The following AMBRA1 variants were observed in gnomAD, a reference collection of about 807,000 sequenced individuals.
AMBRA1 encodes activating molecule in BECN1-regulated autophagy protein 1.
A neutral mutation model predicts 125.4 loss-of-function variants in AMBRA1; 47 were observed. The ratio of observed to expected loss-of-function variants is 0.37; its 90% CI spans 0.30 to 0.48. The LOEUF (loss-of-function observed/expected upper bound fraction) is 0.48. Ranked by LOEUF, AMBRA1 falls within the 20% of genes least tolerant of loss-of-function variation. The pLI is 0.99. For synonymous variants in AMBRA1, 626 were observed against 655.5 expected (o/e 0.95, Z 0.69); for missense variants, 1,331 against 1,693.4 (o/e 0.79, Z 3.76).
intron 14 of AMBRA1, among the ~76,000 whole-genome samples, chr11:46,424,612 C>A (rs1358282730): frequency 6.6e-6 from 1 of 152,070 alleles, no homozygotes; most frequent in Non-Finnish European, 1.5e-5. Context: ...TTTGGGTGGC[C>A]GAGATAGGAA....
chr11:46,485,784 T>C (rs535112621), intron 11 of AMBRA1, among the ~76,000 whole-genome samples: 1 of 152,308 alleles, frequency 6.6e-6, no homozygotes, highest in South Asian at 2.1e-4. Context: ...GAAAAGTTCA[T>C]TGACAAGGCC....
rs761596685 is a variant in AMBRA1, at chr11:46,443,606, GGAA to G, written c.2522-11_2522-9del. 1.2e-6 allele frequency: 2 copies of G among 1,609,414 alleles called. 1 individual carries two copies. The highest frequency in any genetic ancestry group is 2.2e-5 in the South Asian group (2 of 90,896). On this transcript the variant is annotated splice_polypyrimidine_tract_variant and intron_variant, in intron 11 of 17. Transcript: ENST00000683756. ...CATCACCGATCACTGCCCCTTATGA[GGAA>G]GAAGTCAAAGACAGCACATTATATT...
chr11:46,488,940 G>GCT (rs1950363602), intron 11 of AMBRA1, among the ~76,000 whole-genome samples: 2 of 152,276 alleles, frequency 1.3e-5, no homozygotes, highest in South Asian at 4.1e-4. Context: ...ACGGAGTCTT[G>GCT]CTCTGTCGCC....
chr11:46,479,540 T>C (rs1408747479), intron 11 of AMBRA1, among the ~76,000 whole-genome samples: 1 of 151,976 alleles, frequency 6.6e-6, no homozygotes, highest in Non-Finnish European at 1.5e-5. Context: ...CTACTAAAAA[T>C]ACAAAAATTA....
chr11:46,427,221 A>C (rs1016474312), intron 14 of AMBRA1, among the ~76,000 whole-genome samples: 1 of 152,190 alleles, frequency 6.6e-6, no homozygotes, highest in African/African-American at 2.4e-5. Context: ...CTGGGCACTC[A>C]TCCTGACCCA....
chr11:46,572,585 T>C (rs978297296), intron 1 of AMBRA1, among the ~76,000 whole-genome samples: 6 of 152,146 alleles, frequency 3.9e-5, no homozygotes, highest in African/African-American at 1.2e-4. Context: ...CTGCCTATCT[T>C]TGATATGGCA....
intron 12 of AMBRA1, among the ~76,000 whole-genome samples, chr11:46,442,288 A>G (rs1039212079): frequency 6.6e-6 from 1 of 152,000 alleles, no homozygotes; most frequent in Non-Finnish European, 1.5e-5. Flanking sequence ...GAAAACAGGC[A>G]TGCACCACCA....
intron 9 of AMBRA1, among the ~76,000 whole-genome samples, chr11:46,505,652 AG>A (rs535773142): frequency 8.7e-4 from 99 of 114,040 alleles, no homozygotes; most frequent in Non-Finnish European, 1.5e-3. Flanking sequence ...ATGTAAATTC[AG>A]GTCATGCTAA....
intron 1 of AMBRA1, among the ~76,000 whole-genome samples, chr11:46,585,652 C>G (rs1232240671): frequency 1.9e-5 from 1 of 52,208 alleles, no homozygotes; most frequent in African/African-American, 8.0e-5. Flanking sequence ...GGTGACAGAG[C>G]AAGACTCCAT....
rs961007169 is a variant in AMBRA1 at position 46,430,742 on chromosome 11, G to A, written c.2976+2732C>T. Reference sequence around the variant, plus strand: ...GTTGGCCCAACACATTTGCCTCTCTGAACATTACCACAGTGAATTCCAAGA... The same window carrying A: ...GTTGGCCCAACACATTTGCCTCTCTAAACATTACCACAGTGAATTCCAAGA... On this transcript the variant is annotated intron_variant, in intron 14 of 17. Transcript: ENST00000683756. Among the ~76,000 whole-genome samples the A allele has an allele frequency of 2.0e-5, 3 of 152,164 alleles. No individual in the cohort carries two copies. The South Asian group carries it at 6.2e-4, about 32-fold the overall frequency.
intron 14 of AMBRA1, among the ~76,000 whole-genome samples, chr11:46,420,929 C>T (rs1290287393): frequency 6.6e-6 from 1 of 152,106 alleles, no homozygotes; most frequent in Non-Finnish European, 1.5e-5. Context: ...TGCTGTGCTG[C>T]GTTTTTTAAA....
intron 11 of AMBRA1, among the ~76,000 whole-genome samples, chr11:46,465,484 T>C (rs73466088): frequency 0.013 from 1,922 of 152,290 alleles, 50 homozygotes; most frequent in African/African-American, 0.044. Context: ...TTTTACCATA[T>C]TTTCTCAGAG....
In AMBRA1 at chr11:46,428,008, CAAAAAAAA is replaced by C. The variant is rs57618324; in HGVS notation, c.2976+5458_2976+5465del. 1.5e-3 allele frequency among the ~76,000 whole-genome samples: 95 copies of C among 63,394 alleles called. 2 individuals carry two copies. In the South Asian group the frequency reaches 0.036, roughly 24 times the overall value. 41.6% of individuals were successfully genotyped at this position (63,394 alleles called of 152,430 possible). On this transcript the variant is annotated intron_variant, in intron 14 of 17. Transcript: ENST00000683756. ...TGGGCGACAGAGGGAGACTCCATGT[CAAAAAAAA>C]AAAAAAAAAAAAAAAGTAACAAATA...
chr11:46,440,136 G>C (rs1268948353), intron 12 of AMBRA1, among the ~76,000 whole-genome samples: 3 of 152,116 alleles, frequency 2.0e-5, no homozygotes, highest in Non-Finnish European at 4.4e-5. Flanking sequence ...TGTGCAAAAT[G>C]ATAAACTGCA....
At chr11:46,591,526 CACTCAAGG>C (rs1473987133) in intron 1 of AMBRA1, 2 of 152,072 alleles carry the variant, frequency 1.3e-5, no homozygotes, top group Admixed American at 6.6e-5. Flanking sequence ...GTACAGTTTC[CACTCAAGG>C]ACTAGGAACT....
At chr11:46,493,907 C>A (rs1950547331) in intron 10 of AMBRA1, 199 bp from the exon 11 acceptor site, 9 of 639,986 alleles carry the variant, frequency 1.4e-5, no homozygotes, top group Non-Finnish European at 2.1e-5. Flanking sequence ...TCCCCCAACA[C>A]TTCTGTTCTT....
At chr11:46,485,710 G>A (rs757873234) in intron 11 of AMBRA1, among the ~76,000 whole-genome samples, 21 of 152,216 alleles carry the variant, frequency 1.4e-4, no homozygotes, top group Non-Finnish European at 1.9e-4. Context: ...GAAAGATCAA[G>A]AGGAAATTTC....
intron 7 of AMBRA1, among the ~76,000 whole-genome samples, chr11:46,520,990 C>A (rs1951738519): frequency 6.6e-6 from 1 of 152,198 alleles, no homozygotes; most frequent in South Asian, 2.1e-4. Context: ...AAAACAGGTA[C>A]TGGATCCAAG....
intron 15 of AMBRA1, among the ~76,000 whole-genome samples, chr11:46,410,615 G>A (rs1946239227): frequency 6.6e-6 from 1 of 152,182 alleles, no homozygotes; most frequent in Non-Finnish European, 1.5e-5. Flanking sequence ...CCCCTGACAA[G>A]CCTAACCGGC....
Sources: allele counts gnomAD v4.1 joint callset (sites outside exome capture counted in the v4.1 genomes callset), GRCh38; gene constraint gnomAD v4.1.1; transcripts MANE v1.5; gene names NCBI Gene and HGNC (gene_info 2026-07-23, HGNC 2026-07-21).